The following COL27A1 variants were observed in gnomAD, a reference collection of about 807,000 sequenced individuals.
COL27A1 encodes the protein collagen alpha-1(XXVII) chain.
In COL27A1, 106 loss-of-function variants were observed where a neutral mutation model predicts 251.3. That is an observed-to-expected ratio of 0.42 (90% CI 0.36 to 0.50). The LOEUF (loss-of-function observed/expected upper bound fraction) is 0.50. COL27A1 is among the 20% of genes least tolerant of loss of function. The pLI, the probability that COL27A1 is intolerant of heterozygous loss-of-function variation, is 0.00. For missense variants in COL27A1, 2,325 were observed against 2,522.8 expected (o/e 0.92, Z 1.68); for synonymous variants, 1,000 against 986.3 (o/e 1.01, Z -0.26).
intron 41 of COL27A1, 100 bp from the exon 42 acceptor site, chr9:114,288,355 G>A: frequency 8.1e-7 from 1 of 1,238,142 alleles, no homozygotes; most frequent in South Asian, 1.3e-5. Context: ...GTAACCCTAA[G>A]CAGGCTAGAA....
intron 1 of COL27A1, among the ~76,000 whole-genome samples, chr9:114,160,402 G>A (rs756575519): frequency 1.6e-4 from 24 of 151,330 alleles, no homozygotes; most frequent in Non-Finnish European, 3.1e-4. Flanking sequence ...TGATCCGCCT[G>A]CCTCGGCCTC....
intron 7 of COL27A1, among the ~76,000 whole-genome samples, chr9:114,197,884 C>T (rs988401475): frequency 6.6e-5 from 10 of 152,302 alleles, no homozygotes; most frequent in Admixed American, 2.0e-4. Flanking sequence ...GGCGAAGTGT[C>T]GGGGAGCTCA....
rs758899812 is a variant in COL27A1 at position 114,169,262 on chromosome 9, C to T, written c.1707C>T (p.Ser569=). ...PGKAARDVPL[S]DLTTRPSPRQ... ...AGGCAGCCAGGGATGTCCCCTTGAG[C>T]GATCTGACAACCAGGCCTAGCCCCA... The change falls in exon 3 of 61, where the codon AGC becomes AGT. Residue 569 remains serine (S), a synonymous_variant. Coordinates refer to ENST00000356083, the MANE Select transcript of COL27A1 (RefSeq NM_032888.4). 5.6e-6 allele frequency: 9 copies of T among 1,612,528 alleles called. No homozygotes were observed. The highest frequency in any genetic ancestry group is 4.0e-5 in the African/African-American group (3 of 74,896).
chr9:114,225,010 C>A (rs1006787488), intron 14 of COL27A1, among the ~76,000 whole-genome samples: 2 of 152,128 alleles, frequency 1.3e-5, no homozygotes, highest in Non-Finnish European at 1.5e-5. Context: ...AAATATGACA[C>A]CTAGTTAAAT....
At chr9:114,281,379 A>G (rs577128699) in intron 37 of COL27A1, among the ~76,000 whole-genome samples, 21 of 152,362 alleles carry the variant, frequency 1.4e-4, no homozygotes, top group Non-Finnish European at 1.9e-4. Context: ...TTCTCTGACA[A>G]CTGTGGACAC....
chr9:114,260,913 A>ATGCCTCGGGCCAACTCTTCCCC (rs1834279809), intron 28 of COL27A1, among the ~76,000 whole-genome samples: 1 of 152,048 alleles, frequency 6.6e-6, no homozygotes, highest in Admixed American at 6.6e-5. Context: ...CAAGATTCCA[A>ATGCCTCGGGCCAACTCTTCCCC]TGCCTCGGGC....
intron 37 of COL27A1, among the ~76,000 whole-genome samples, chr9:114,280,647 G>T (rs546073091): frequency 6.6e-6 from 1 of 152,238 alleles, no homozygotes; most frequent in Non-Finnish European, 1.5e-5. Context: ...GGAAACTAAG[G>T]TTCAGAGAAA....
intron 50 of COL27A1, 33 bp from the exon 51 acceptor site, chr9:114,300,592 A>G: frequency 6.6e-7 from 1 of 1,521,008 alleles, no homozygotes; most frequent in Non-Finnish European, 8.8e-7. Context: ...AGTGGCTGCC[A>G]AGTACAGACA....
chr9:114,170,863 G>A (rs1178881881), intron 3 of COL27A1, among the ~76,000 whole-genome samples: 2 of 152,210 alleles, frequency 1.3e-5, no homozygotes, highest in African/African-American at 2.4e-5. Context: ...AGCTTCCCAC[G>A]CTGTGTGCGT....
chr9:114,222,470 C>T (rs1287126576), intron 14 of COL27A1, among the ~76,000 whole-genome samples: 1 of 107,560 alleles, frequency 9.3e-6, no homozygotes, highest in African/African-American at 3.6e-5. Context: ...GGAGGGCGGG[C>T]GGCTGAGGGA....
chr9:114,167,592 G>A, intron 2 of COL27A1, 97 bp from the exon 3 acceptor site: 1 of 990,352 alleles, frequency 1.0e-6, no homozygotes, highest in South Asian at 1.5e-5. Context: ...AGCTGTGGGT[G>A]GACGGTCCAC....
chr9:114,264,888 A>G, intron 29 of COL27A1, 36 bp from the exon 30 acceptor site: 2 of 1,597,304 alleles, frequency 1.3e-6, no homozygotes, highest in Non-Finnish European at 1.7e-6. Flanking sequence ...CCTCCCAAGC[A>G]CCCTCTCCCA....
At chr9:114,169,636 G>A (rs1267432749) in intron 3 of COL27A1, among the ~76,000 whole-genome samples, 173 bp downstream of exon 3, 2 of 152,228 alleles carry the variant, frequency 1.3e-5, no homozygotes, top group African/African-American at 4.8e-5. Context: ...TCTGCTAAAT[G>A]CATCATTGCC....
rs141027787 is a variant in COL27A1 at position 114,257,522 on chromosome 9, G to A, written c.3142-1019G>A. Among the ~76,000 whole-genome samples the A allele has an allele frequency of 1.5e-3, 228 of 152,158 alleles. 1 individual carries two copies. The highest frequency in any genetic ancestry group is 5.3e-3 in the African/African-American group (220 of 41,514). ...GTGCACCTGTGCCAGGCCAGGTGCC[G>A]AGAATTCCAAGAACTAAACTGGCCC... On this transcript the variant is annotated intron_variant, in intron 27 of 60. Coordinates refer to ENST00000356083, the MANE Select transcript of COL27A1 (RefSeq NM_032888.4).
intron 3 of COL27A1, among the ~76,000 whole-genome samples, chr9:114,173,416 C>G (rs7023177): frequency 0.33 from 49,588 of 152,004 alleles, 8,412 homozygotes; most frequent in Admixed American, 0.44. Flanking sequence ...GGCGGGGTTC[C>G]TTGAGGTTAC....
intron 37 of COL27A1, 71 bp downstream of exon 37, chr9:114,275,839 C>A: frequency 9.6e-7 from 1 of 1,044,840 alleles, no homozygotes; most frequent in Non-Finnish European, 1.4e-6. Flanking sequence ...GTGCAGGCGG[C>A]TGGGCGGGAG....
At chr9:114,242,383 A>G in intron 22 of COL27A1, 152 bp downstream of exon 22, 1 of 557,222 alleles carries the variant, frequency 1.8e-6, no homozygotes, top group South Asian at 3.4e-5. Flanking sequence ...CCCAAAGGAG[A>G]GAGACAAGAG....
At chr9:114,260,309 C>G (rs1286853955) in intron 28 of COL27A1, among the ~76,000 whole-genome samples, 2 of 152,214 alleles carry the variant, frequency 1.3e-5, no homozygotes, top group African/African-American at 4.8e-5. Flanking sequence ...CCCCTCTCCC[C>G]ACTGGGTTTG....
chr9:114,297,778 C>T (rs1828354754), intron 49 of COL27A1, among the ~76,000 whole-genome samples: 1 of 152,058 alleles, frequency 6.6e-6, no homozygotes, highest in African/African-American at 2.4e-5. Flanking sequence ...CAAGGATGTC[C>T]ACTGTTACCA....
Sources: allele counts gnomAD v4.1 joint callset (sites outside exome capture counted in the v4.1 genomes callset), GRCh38; gene constraint gnomAD v4.1.1; transcripts MANE v1.5; gene names NCBI Gene and HGNC (gene_info 2026-07-23, HGNC 2026-07-21).